Variants in ERBIN observed in about 807,000 individuals in gnomAD.
ERBIN encodes the protein erbb2 interacting protein, also known as densin-180-like protein.
Under a neutral mutation model 158.4 loss-of-function variants are expected in ERBIN, and 60 were observed. The observed-to-expected ratio is 0.38, with a 90% CI of 0.31 to 0.47. The LOEUF (loss-of-function observed/expected upper bound fraction) is 0.47, where lower values mean the gene tolerates loss of function less well. ERBIN is among the 20% of genes least tolerant of loss of function. ERBIN has a pLI of 0.99. For missense variants in ERBIN, 1,610 were observed against 1,648.0 expected (o/e 0.98, Z 0.40); for synonymous variants, 594 against 557.2 (o/e 1.07, Z -0.93).
At chr5:66,043,758 T>G (rs1485472730) in intron 16 of ERBIN, among the ~76,000 whole-genome samples, 1 of 152,088 alleles carries the variant, frequency 6.6e-6, no homozygotes, top group African/African-American at 2.4e-5. Context: ...CTTGGAAAAA[T>G]ATGGCTCTTG....
chr5:66,032,023 GA>G (rs141762105), intron 14 of ERBIN, among the ~76,000 whole-genome samples: 4 of 149,440 alleles, frequency 2.7e-5, no homozygotes, highest in African/African-American at 9.8e-5. Flanking sequence ...AAGATTTAAA[GA>G]AAAAAAAAGA....
intron 25 of ERBIN, among the ~76,000 whole-genome samples, chr5:66,077,718 T>C (rs185709761): frequency 2.6e-5 from 4 of 151,280 alleles, no homozygotes; most frequent in African/African-American, 7.3e-5. Context: ...GTCTTTATCA[T>C]TTATTCTCCT....
At chr5:66,028,810 C>T (rs752194869) in intron 14 of ERBIN, among the ~76,000 whole-genome samples, 5 of 152,096 alleles carry the variant, frequency 3.3e-5, no homozygotes, top group Non-Finnish European at 5.9e-5. Context: ...CAGCCCACCC[C>T]GCCAGCCCCA....
intron 21 of ERBIN, among the ~76,000 whole-genome samples, chr5:66,070,465 A>G (rs1448749907): frequency 6.6e-6 from 1 of 152,122 alleles, no homozygotes; most frequent in Non-Finnish European, 1.5e-5. Flanking sequence ...TGCCATTTAT[A>G]GTCACCTGGA....
rs59712256 is a variant in ERBIN, at chr5:65,948,762, G to GTTTTTTTTTTT, written c.-58+21965_-58+21975dup. On this transcript the variant is annotated intron_variant, in intron 1 of 25. Transcript: ENST00000284037. ...ATGACATACTGGAGTTCTGTTTTGC[G>GTTTTTTTTTTT]TTTTTTTTTTTTTTTTTTTGAGACA... Among the ~76,000 whole-genome samples the GTTTTTTTTTTT allele has an allele frequency of 4.7e-5, 5 of 105,624 alleles. 1 individual carries two copies. Among genetic ancestry groups the GTTTTTTTTTTT allele is most frequent in the African/African-American group, 3.7e-5 (1 of 27,198 alleles). 69.3% of individuals were successfully genotyped at this position (105,624 alleles called of 152,430 possible).
In ERBIN at chr5:66,078,403, A is replaced by G. The variant is rs778342289; in HGVS notation, c.4132-20A>G. ...AATAACTATAAAATGTTTTTCCTAA[A>G]AGCATTTTTCCTCTTCTAGGCTAAT... On this transcript the variant is annotated intron_variant, in intron 25 of 25. Coordinates refer to ENST00000284037, the MANE Select transcript of ERBIN (RefSeq NM_001253697.2). 2.1e-6 allele frequency: 3 copies of G among 1,436,402 alleles called. No individual in the cohort carries two copies. In the South Asian group the frequency reaches 3.7e-5, roughly 18 times the overall value. The allele number at this position is 1,436,402 out of a possible 1,614,324, so 89.0% of individuals were successfully genotyped here. A position where few individuals can be genotyped will look rare whatever the true frequency, so the allele number is the denominator to read the frequency against.
intron 1 of ERBIN, among the ~76,000 whole-genome samples, chr5:65,961,992 C>T (rs1580170084): frequency 6.6e-6 from 1 of 152,104 alleles, no homozygotes; most frequent in Non-Finnish European, 1.5e-5. Context: ...AGTAAGGTTT[C>T]TTATAAGTTG....
intron 1 of ERBIN, among the ~76,000 whole-genome samples, chr5:65,985,124 C>T (rs577903307): frequency 3.5e-4 from 54 of 152,300 alleles, no homozygotes; most frequent in African/African-American, 1.2e-3. Context: ...GACGGAGTCT[C>T]GGTCTGTTGC....
chr5:66,001,471 A>G (rs1190213418), intron 4 of ERBIN, among the ~76,000 whole-genome samples: 2 of 152,114 alleles, frequency 1.3e-5, no homozygotes, highest in Non-Finnish European at 2.9e-5. Flanking sequence ...TGTAGTTCTT[A>G]TCAGTGTTTT....
chr5:65,941,425 A>G (rs1435064893), intron 1 of ERBIN, among the ~76,000 whole-genome samples: 3 of 152,156 alleles, frequency 2.0e-5, no homozygotes, highest in Non-Finnish European at 2.9e-5. Context: ...TTTAAGGTAT[A>G]TGGGAGAATG....
rs1759319171 is a variant in ERBIN at position 66,053,983 on chromosome 5, G to C, written c.2665G>C (p.Asp889His). 1 of 1,614,022 alleles carries C rather than the reference G, an allele frequency of 6.2e-7. No homozygotes were observed. Among genetic ancestry groups the C allele is most frequent in the African/African-American group, 1.3e-5 (1 of 74,936 alleles). The change falls in exon 21 of 26, where the codon GAT becomes CAT. Residue 889 changes from aspartate (D) to histidine (H), a missense_variant. Asp to His is a moderately conservative substitution (Grantham distance 81, BLOSUM62 -1). Coordinates refer to ENST00000284037, the MANE Select transcript of ERBIN (RefSeq NM_001253697.2). ...GGLKIYDILSDNGPQQPSTTV... is the reference protein window; with the variant it reads ...GGLKIYDILSHNGPQQPSTTV... ...GCTAAAAATCTATGATATTCTTAGT[G>C]ATAATGGACCTCAGCAGCCAAGTAC...
intron 4 of ERBIN, among the ~76,000 whole-genome samples, chr5:65,995,469 T>G (rs1012335573): frequency 2.0e-5 from 3 of 152,196 alleles, no homozygotes; most frequent in Non-Finnish European, 4.4e-5. Flanking sequence ...TTTTCTTCTT[T>G]TTAAAGGCTG....
chr5:66,067,016 T>C (rs1761063950), intron 21 of ERBIN, among the ~76,000 whole-genome samples: 1 of 152,252 alleles, frequency 6.6e-6, no homozygotes, highest in African/African-American at 2.4e-5. Flanking sequence ...ATCAGGCCAC[T>C]TGAGTCAATA....
chr5:65,988,915 C>A (rs770784881), intron 2 of ERBIN, among the ~76,000 whole-genome samples: 2 of 139,234 alleles, frequency 1.4e-5, no homozygotes, highest in East Asian at 2.1e-4. Flanking sequence ...CCTGGGAGAT[C>A]GAGGCTGCAG....
chr5:65,928,644 T>C (rs1742979884), intron 1 of ERBIN, among the ~76,000 whole-genome samples: 1 of 152,212 alleles, frequency 6.6e-6, no homozygotes, highest in Non-Finnish European at 1.5e-5. Context: ...GAGTAGTATG[T>C]TTCGATGCAG....
At chr5:65,963,939 A>G (rs144678567) in intron 1 of ERBIN, among the ~76,000 whole-genome samples, 1,807 of 151,980 alleles carry the variant, frequency 0.012, 40 homozygotes, top group African/African-American at 0.042. Context: ...AGCTGGGACT[A>G]CAGGCGCCTG....
chr5:66,023,504 TC>T lies in ERBIN; in HGVS notation c.672+141del, dbSNP rs3840319. 2.3e-4 allele frequency: 116 copies of T among 509,786 alleles called. 1 individual carries two copies. The East Asian group carries it at 3.3e-3, about 14-fold the overall frequency. 31.6% of individuals were successfully genotyped at this position (509,786 alleles called of 1,614,324 possible). ...TTAAACAGAAGCAAATTACTTTTTT[TC>T]ATGAGCACATTCTTGATTATAATCT... is the stretch of plus-strand genomic sequence containing the variant. On this transcript the variant is annotated intron_variant, in intron 9 of 25. Transcript: ENST00000284037.
intron 1 of ERBIN, among the ~76,000 whole-genome samples, chr5:65,941,955 T>C (rs546362931): frequency 6.6e-6 from 1 of 152,308 alleles, no homozygotes; most frequent in South Asian, 2.1e-4. Flanking sequence ...TTAGCCAGGA[T>C]GGTCTCGATC....
intron 21 of ERBIN, among the ~76,000 whole-genome samples, chr5:66,063,074 C>G (rs1760598236): frequency 6.6e-6 from 1 of 152,252 alleles, no homozygotes; most frequent in Admixed American, 6.5e-5. Flanking sequence ...AACTGTCAGA[C>G]AGGGACATTT....
Sources: allele counts gnomAD v4.1 joint callset (sites outside exome capture counted in the v4.1 genomes callset), GRCh38; gene constraint gnomAD v4.1.1; transcripts MANE v1.5; gene names NCBI Gene and HGNC (gene_info 2026-07-23, HGNC 2026-07-21).